LRRIQ3: variants seen among roughly 807,000 people sequenced by gnomAD.
The protein encoded by LRRIQ3 is leucine rich repeats and IQ motif containing 3.
Under a neutral mutation model 59.3 loss-of-function variants are expected in LRRIQ3, and 75 were observed. That is an observed-to-expected ratio of 1.26 (90% CI 1.05 to 1.53). The LOEUF is 1.53. LRRIQ3 is among the 40% of genes most tolerant of loss of function. The pLI, the probability that LRRIQ3 is intolerant of heterozygous loss-of-function variation, is 0.00. For missense variants in LRRIQ3, 831 were observed against 710.0 expected (o/e 1.17, Z -1.94); for synonymous variants, 250 against 231.3 (o/e 1.08, Z -0.73).
intron 7 of LRRIQ3, among the ~76,000 whole-genome samples, chr1:74,028,689 T>A (rs1653594710): frequency 6.6e-6 from 1 of 151,806 alleles, no homozygotes. Flanking sequence ...TTTAGATAGG[T>A]TATTTAAGTT....
chr1:74,050,227 A>G (rs1654330797), intron 6 of LRRIQ3, among the ~76,000 whole-genome samples: 1 of 151,930 alleles, frequency 6.6e-6, no homozygotes, highest in Non-Finnish European at 1.5e-5. Context: ...CACCTTGCAT[A>G]CTTTTTAAAT....
At chr1:74,174,329 A>G (rs1371431632) in intron 3 of LRRIQ3, among the ~76,000 whole-genome samples, 2 of 151,372 alleles carry the variant, frequency 1.3e-5, no homozygotes, top group African/African-American at 2.4e-5. Flanking sequence ...TGAATTTTTC[A>G]GTTAATTCAT....
chr1:74,178,459 A>T (rs1649779401), intron 3 of LRRIQ3, among the ~76,000 whole-genome samples: 1 of 152,122 alleles, frequency 6.6e-6, no homozygotes, highest in Admixed American at 6.5e-5. Context: ...GTGAATTATA[A>T]ATTTACTTTT....
chr1:74,194,976 A>C (rs902956399), intron 1 of LRRIQ3, among the ~76,000 whole-genome samples: 2 of 152,124 alleles, frequency 1.3e-5, no homozygotes, highest in Admixed American at 1.3e-4. Flanking sequence ...GTAGATTATG[A>C]TTACACTACT....
chr1:74,196,422 T>C (rs1391530781), intron 1 of LRRIQ3, among the ~76,000 whole-genome samples: 1 of 152,196 alleles, frequency 6.6e-6, no homozygotes, highest in Non-Finnish European at 1.5e-5. Context: ...TAATTCTATC[T>C]TCTTGCTGAC....
chr1:74,131,901 A>T (rs189469875), intron 4 of LRRIQ3, among the ~76,000 whole-genome samples: 129 of 152,244 alleles, frequency 8.5e-4, no homozygotes, highest in African/African-American at 3.0e-3. Context: ...AGAAAGAAAT[A>T]AAGGGTATTC....
chr1:74,105,257 A>G (rs141532450), intron 5 of LRRIQ3, among the ~76,000 whole-genome samples: 71 of 142,458 alleles, frequency 5.0e-4, no homozygotes, highest in Non-Finnish European at 2.3e-4. Context: ...GTGTGTGTGT[A>G]TTTTTTTTTT....
intron 3 of LRRIQ3, among the ~76,000 whole-genome samples, chr1:74,173,781 C>T (rs1230992127): frequency 6.6e-6 from 1 of 152,004 alleles, no homozygotes; most frequent in African/African-American, 2.4e-5. Context: ...TCCTTCAGCA[C>T]TTCTTGTAAG....
chr1:74,134,161 T>C (rs537559680), intron 4 of LRRIQ3, among the ~76,000 whole-genome samples: 1 of 152,160 alleles, frequency 6.6e-6, no homozygotes, highest in African/African-American at 2.4e-5. Context: ...GCAACTCCTC[T>C]TTCCAAAGAG....
At chr1:74,174,972 T>C (rs1649549987) in intron 3 of LRRIQ3, among the ~76,000 whole-genome samples, 1 of 152,206 alleles carries the variant, frequency 6.6e-6, no homozygotes, top group African/African-American at 2.4e-5. Context: ...TCATTGTCCT[T>C]AAATACTTAC....
chr1:74,099,376 T>G (rs192019223), intron 5 of LRRIQ3, among the ~76,000 whole-genome samples: 129 of 152,264 alleles, frequency 8.5e-4, no homozygotes, highest in African/African-American at 3.0e-3. Context: ...AATCCCTGAA[T>G]AGACCAATAA....
At chr1:74,117,525 G>C (rs151033005) in intron 4 of LRRIQ3, among the ~76,000 whole-genome samples, 8 of 152,212 alleles carry the variant, frequency 5.3e-5, no homozygotes, top group Middle Eastern at 6.8e-3. Context: ...CAGAACTTTC[G>C]GAGGCCGAGG....
chr1:74,172,324 GT>G (rs1462047635), intron 3 of LRRIQ3, among the ~76,000 whole-genome samples: 3 of 151,980 alleles, frequency 2.0e-5, no homozygotes, highest in African/African-American at 7.3e-5. Flanking sequence ...TTGTATCAGT[GT>G]TTTATAATTT....
At chr1:74,127,040 G>T (rs1646945333) in intron 4 of LRRIQ3, among the ~76,000 whole-genome samples, 1 of 151,608 alleles carries the variant, frequency 6.6e-6, no homozygotes, top group African/African-American at 2.4e-5. Context: ...TCCAGTGTTG[G>T]GTGCATATAT....
chr1:74,078,896 G>T (rs1364866355), intron 5 of LRRIQ3, among the ~76,000 whole-genome samples: 1 of 151,648 alleles, frequency 6.6e-6, no homozygotes, highest in African/African-American at 2.4e-5. Flanking sequence ...ATAATTTTTT[G>T]ATCAACTCAG....
intron 4 of LRRIQ3, among the ~76,000 whole-genome samples, chr1:74,129,697 C>A (rs1455237434): frequency 6.6e-6 from 1 of 152,036 alleles, no homozygotes; most frequent in Admixed American, 6.6e-5. Flanking sequence ...AGGGTCACAT[C>A]TGAAGCCAGT....
At chr1:74,162,104 C>A (rs1372672195) in intron 3 of LRRIQ3, among the ~76,000 whole-genome samples, 2 of 151,752 alleles carry the variant, frequency 1.3e-5, no homozygotes, top group Non-Finnish European at 2.9e-5. Context: ...GTACAACTCA[C>A]TGGGTTGTTG....
At chr1:74,131,904 G>T (rs928103121) in intron 4 of LRRIQ3, among the ~76,000 whole-genome samples, 1 of 152,056 alleles carries the variant, frequency 6.6e-6, no homozygotes, top group African/African-American at 2.4e-5. Context: ...AAGAAATAAA[G>T]GGTATTCAAT....
intron 3 of LRRIQ3, among the ~76,000 whole-genome samples, chr1:74,173,772 C>T (rs2100705218): frequency 6.6e-6 from 1 of 152,104 alleles, no homozygotes; most frequent in South Asian, 2.1e-4. Context: ...CAAAAAACTT[C>T]CTTCAGCACT....
Sources: gnomAD v4.1 joint callset for allele counts (sites outside exome capture counted in the v4.1 genomes callset) on GRCh38, gnomAD v4.1.1 for gene constraint, MANE v1.5 for transcripts, NCBI Gene and HGNC (gene_info 2026-07-23, HGNC 2026-07-21) for gene names.